Variants in RBBP4 observed in about 807,000 individuals in gnomAD.
The protein encoded by RBBP4 is histone-binding protein RBBP4.
In RBBP4, 3 loss-of-function variants were observed where a neutral mutation model predicts 57.2. The observed-to-expected ratio is 0.05, with a 90% CI of 0.02 to 0.14. RBBP4 has a LOEUF of 0.14. RBBP4 is among the 10% of genes least tolerant of loss of function. The pLI is 1.00. For synonymous variants in RBBP4, 151 were observed against 171.5 expected (o/e 0.88, Z 0.93); for missense variants, 107 against 520.6 (o/e 0.21, Z 7.73).
rs189757530 is a variant in RBBP4, at chr1:32,677,360, C to T, written c.1213-2280C>T. Among the ~76,000 whole-genome samples the T allele has an allele frequency of 2.4e-3, 360 of 152,096 alleles. 2 individuals carry two copies. The highest frequency in any genetic ancestry group is 3.9e-3 in the Non-Finnish European group (265 of 68,000). On this transcript the variant is annotated intron_variant, in intron 11 of 11. Coordinates refer to ENST00000373493, the MANE Select transcript of RBBP4 (RefSeq NM_005610.3). The stretch of plus-strand genomic sequence containing the variant: ...TGTGCTTCTGGATTGGTGAACAACT[C>T]GACATACTGGGTGGGTAGCATGCCC...
In RBBP4 at chr1:32,669,426, C is replaced by T. The variant is rs1031115153; in HGVS notation, c.889-60C>T. 11 of 1,566,934 alleles carry T rather than the reference C, an allele frequency of 7.0e-6. No individual in the cohort carries two copies. The highest frequency in any genetic ancestry group is 5.5e-5 in the African/African-American group (4 of 72,210). ...TTTTTTGAATTGCAGAGATATTTTA[C>T]TTACAGTATTTTTTTTTTCTTAAAA... On this transcript the variant is annotated intron_variant, in intron 7 of 11. Transcript: ENST00000373493. The surrounding 1 kb of genome is among the most constrained non-coding windows in gnomAD (Gnocchi z 4.9).
At chr1:32,665,989 A>C (rs675690) in intron 3 of RBBP4, among the ~76,000 whole-genome samples, 1 of 151,876 alleles carries the variant, frequency 6.6e-6, no homozygotes, top group East Asian at 1.9e-4. Flanking sequence ...TATATATACT[A>C]TAATGGTACT....
chr1:32,651,484 C>T (rs1451555486), intron 1 of RBBP4, 162 bp downstream of exon 1: 2 of 1,365,076 alleles, frequency 1.5e-6, no homozygotes, highest in African/African-American at 1.5e-5. Flanking sequence ...AACGGCTCGC[C>T]AGTTCCCTGG....
Position 32,651,243 on chromosome 1 carries a change from T to C in RBBP4, c.-64T>C, listed in dbSNP as rs1229464693. The stretch of plus-strand genomic sequence containing the variant: ...GAGGCCGCGCGCACAGAGCGAGCTC[T>C]TGCAGCCTCCCCGCCCCTCCCGCAA... On this transcript the variant is annotated 5_prime_UTR_variant, in exon 1 of 12. Transcript: ENST00000373493. 2.0e-6 allele frequency: 3 copies of C among 1,506,626 alleles called. No individual in the cohort carries two copies. Among genetic ancestry groups the C allele is most frequent in the African/African-American group, 1.5e-5 (1 of 68,832 alleles). The allele number at this position is 1,506,626 out of a possible 1,614,324, so 93.3% of individuals were successfully genotyped here.
At chr1:32,651,393 A>T (rs1387686369) in intron 1 of RBBP4, 71 bp downstream of exon 1, 8 of 1,399,532 alleles carry the variant, frequency 5.7e-6, no homozygotes, top group African/African-American at 1.5e-5. Context: ...ACATGGCCTA[A>T]CAGTGAGGGC....
intron 3 of RBBP4, among the ~76,000 whole-genome samples, chr1:32,661,947 G>T (rs1359191372): frequency 8.7e-6 from 1 of 114,790 alleles, no homozygotes; most frequent in East Asian, 3.1e-4. Flanking sequence ...GTGCAGTGTG[G>T]CAATCTCGGC....
chr1:32,659,358 C>G (rs1648301403), intron 3 of RBBP4, among the ~76,000 whole-genome samples: 1 of 151,710 alleles, frequency 6.6e-6, no homozygotes, highest in Non-Finnish European at 1.5e-5. Context: ...GTCAGGAGTT[C>G]AAGACCAGCC....
At chr1:32,662,578 G>A (rs1047203138) in intron 3 of RBBP4, among the ~76,000 whole-genome samples, 4 of 151,372 alleles carry the variant, frequency 2.6e-5, no homozygotes, top group African/African-American at 4.8e-5. Context: ...GTTTCACTAC[G>A]TTGGCCAGGT....
Position 32,681,075 on chromosome 1 carries a change from C to G in RBBP4, c.*1370C>G, listed in dbSNP as rs1251858449. On this transcript the variant is annotated 3_prime_UTR_variant, in exon 12 of 12. Transcript: ENST00000373493. ...GTTAGAAATAATAGGCTTTGAAGGC[C>G]TCTATCACCAGATGCAATAACCAGA... is the stretch of plus-strand genomic sequence containing the variant. The G allele has an allele frequency of 6.5e-6, 1 of 152,808 alleles. No homozygotes were observed. The highest frequency in any genetic ancestry group is 2.1e-4 in the South Asian group (1 of 4,840). 9.5% of individuals were successfully genotyped at this position (152,808 alleles called of 1,614,324 possible).
At chr1:32,665,693 AAAG>A (rs1648615457) in intron 3 of RBBP4, among the ~76,000 whole-genome samples, 2 of 151,318 alleles carry the variant, frequency 1.3e-5, no homozygotes, top group Admixed American at 6.6e-5. Context: ...AAAAAAAAAA[AAAG>A]CACTATATAG....
chr1:32,684,445 C>T lies in RBBP4; in HGVS notation c.*4740C>T. 1 of 1,606,908 alleles carries T rather than the reference C, an allele frequency of 6.2e-7. No homozygotes were observed. The highest frequency in any genetic ancestry group is 1.7e-4 in the Middle Eastern group (1 of 6,014). On this transcript the variant is annotated 3_prime_UTR_variant, in exon 12 of 12. Coordinates refer to ENST00000373493, the MANE Select transcript of RBBP4 (RefSeq NM_005610.3). ...ACAATAAAAACTCACATTGTCCACT[C>T]TTACTTATAAAACACTTTTTTGTTC... is the stretch of plus-strand genomic sequence containing the variant.
chr1:32,655,932 A>G (rs938160759), intron 2 of RBBP4, among the ~76,000 whole-genome samples: 1 of 152,156 alleles, frequency 6.6e-6, no homozygotes, highest in Non-Finnish European at 1.5e-5. Context: ...CCCACCTTCT[A>G]GAGTTTCTGA....
intron 11 of RBBP4, among the ~76,000 whole-genome samples, chr1:32,676,596 G>T (rs1484387499): frequency 2.3e-5 from 3 of 128,854 alleles, no homozygotes; most frequent in African/African-American, 9.2e-5. Context: ...TGGGCAACAA[G>T]AGCAAAACTC....
chr1:32,658,099 C>T (rs887265842), intron 3 of RBBP4, among the ~76,000 whole-genome samples: 3 of 152,054 alleles, frequency 2.0e-5, no homozygotes, highest in Non-Finnish European at 2.9e-5. Context: ...GTGATCCACC[C>T]ACCTCAGCCT....
chr1:32,671,987 A>T (rs573726074), intron 8 of RBBP4, among the ~76,000 whole-genome samples: 1 of 147,752 alleles, frequency 6.8e-6, no homozygotes, highest in African/African-American at 2.5e-5. Context: ...TTTTGTAAAC[A>T]TTTTTTTTTT....
intron 3 of RBBP4, among the ~76,000 whole-genome samples, chr1:32,667,530 A>G (rs1402692071): frequency 6.6e-6 from 1 of 152,178 alleles, no homozygotes; most frequent in East Asian, 1.9e-4. Context: ...TCTTGGTGGT[A>G]GTGGTCCCCC....
intron 3 of RBBP4, among the ~76,000 whole-genome samples, chr1:32,661,261 A>G (rs561275165): frequency 2.0e-5 from 3 of 149,602 alleles, no homozygotes; most frequent in African/African-American, 7.3e-5. Flanking sequence ...TATTCCCGGT[A>G]ATGGGATTGC....
chr1:32,670,809 T>C (rs544375457), intron 8 of RBBP4, among the ~76,000 whole-genome samples: 6 of 152,206 alleles, frequency 3.9e-5, no homozygotes, highest in African/African-American at 7.2e-5. Context: ...TCAAGTGTTA[T>C]GAACCTGAGG....
chr1:32,661,821 T>C (rs1018041667), intron 3 of RBBP4, among the ~76,000 whole-genome samples: 1 of 151,028 alleles, frequency 6.6e-6, no homozygotes, highest in African/African-American at 2.4e-5. Context: ...TCACATTCGT[T>C]GTCTGCTTAT....
Sources: allele counts gnomAD v4.1 joint callset (sites outside exome capture counted in the v4.1 genomes callset), GRCh38; gene constraint gnomAD v4.1.1; non-coding constraint Gnocchi (gnomAD v3.1); transcripts MANE v1.5; gene names NCBI Gene and HGNC (gene_info 2026-07-23, HGNC 2026-07-21).